The following LYRM9 variants were observed in gnomAD, a reference collection of about 807,000 sequenced individuals.
LYRM9 encodes the protein LYR motif containing 9.
LYRM9 carries 14 observed loss-of-function variants against 12.6 expected under a neutral mutation model. That is an observed-to-expected ratio of 1.11 (90% CI 0.73 to 1.73). The LOEUF is 1.73. Ranked by LOEUF, LYRM9 falls within the 40% of genes most tolerant of loss-of-function variation. The pLI is 0.00. For synonymous variants in LYRM9, 42 were observed against 35.1 expected (o/e 1.20, Z -0.69); for missense variants, 94 against 95.0 (o/e 0.99, Z 0.04).
intron 1 of LYRM9, among the ~76,000 whole-genome samples, chr17:27,890,423 C>T (rs1905396404): frequency 6.6e-6 from 1 of 152,260 alleles, no homozygotes; most frequent in South Asian, 2.1e-4. Flanking sequence ...AAAGAGTCAC[C>T]AGGCTGACAT....
intron 1 of LYRM9, among the ~76,000 whole-genome samples, chr17:27,887,870 T>C (rs1905290465): frequency 6.6e-6 from 1 of 152,102 alleles, no homozygotes; most frequent in South Asian, 2.1e-4. Context: ...GGCTGGAAGC[T>C]GCTGTAGAAC....
Position 27,882,627 on chromosome 17 carries a change from C to T in LYRM9, c.68G>A (p.Cys23Tyr), listed in dbSNP as rs375560668. ...PLQLYRYLLR[C>Y]CQQLPTKGIQ... ...GCCCTTGGTCGGCAGCTGCTGGCAA[C>T]AGCGCAGCAAGTATCGGTAGAGCTG... The change falls in exon 2 of 4, where the codon TGT becomes TAT. Residue 23 changes from cysteine (C) to tyrosine (Y), a missense_variant. Transcript: ENST00000379102. 7 of 1,600,606 alleles carry T rather than the reference C, an allele frequency of 4.4e-6. No homozygotes were observed. Among genetic ancestry groups the T allele is most frequent in the Non-Finnish European group, 6.0e-6 (7 of 1,174,376 alleles).
rs1247054112 is a variant in LYRM9 at position 27,878,626 on chromosome 17, G to A, written c.*847C>T. 1 of 152,220 alleles carries A rather than the reference G, an allele frequency of 6.6e-6. No individual in the cohort carries two copies. Among genetic ancestry groups the A allele is most frequent in the African/African-American group, 2.4e-5 (1 of 41,428 alleles). 9.4% of individuals were successfully genotyped at this position (152,220 alleles called of 1,614,324 possible). On this transcript the variant is annotated 3_prime_UTR_variant, in exon 4 of 4. Transcript: ENST00000379102. ...GTAGCAAAGCAGGGAAGTGCCAGTG[G>A]AAAGAGACTGCAGGTGCACAGAGGC...
intron 3 of LYRM9, 147 bp downstream of exon 3, chr17:27,880,127 G>T: frequency 1.4e-6 from 1 of 722,762 alleles, no homozygotes; most frequent in Non-Finnish European, 2.5e-6. Context: ...TCACCTTTCA[G>T]CTTCTGGAGG....
Position 27,879,373 on chromosome 17 carries a change from C to A in LYRM9, c.*100G>T. ...TCTCCCCTGATTTCTGGCTTTCAGC[C>A]AACAAGGCCAATGGCTCTTCCAAAC... On this transcript the variant is annotated 3_prime_UTR_variant, in exon 4 of 4. Coordinates refer to ENST00000379102, the MANE Select transcript of LYRM9 (RefSeq NM_001076680.3). 7.4e-7 allele frequency: 1 copy of A among 1,356,810 alleles called. No homozygotes were observed. Among genetic ancestry groups the A allele is most frequent in the South Asian group, 1.4e-5 (1 of 69,878 alleles). 84.0% of individuals were successfully genotyped at this position (1,356,810 alleles called of 1,614,324 possible). A position where few individuals can be genotyped will look rare whatever the true frequency, so the allele number is the denominator to read the frequency against.
At chr17:27,887,914 A>G (rs1385046526) in intron 1 of LYRM9, among the ~76,000 whole-genome samples, 2 of 152,232 alleles carry the variant, frequency 1.3e-5, no homozygotes, top group Non-Finnish European at 2.9e-5. Context: ...TGAAAGCCAC[A>G]GGCAAGAGAA....
At chr17:27,879,579 C>A in intron 3 of LYRM9, 89 bp from the exon 4 acceptor site, 1 of 1,418,108 alleles carries the variant, frequency 7.1e-7, no homozygotes, top group Non-Finnish European at 9.6e-7. Context: ...TCATCTGGAC[C>A]TCACCTGCCT....
intron 1 of LYRM9, among the ~76,000 whole-genome samples, chr17:27,884,176 C>T (rs1905162726): frequency 6.6e-6 from 1 of 152,170 alleles, no homozygotes; most frequent in African/African-American, 2.4e-5. Context: ...TCTAAAGAAC[C>T]CACAACTCTA....
At chr17:27,882,257 G>C (rs1223541870) in intron 2 of LYRM9, among the ~76,000 whole-genome samples, 1 of 152,156 alleles carries the variant, frequency 6.6e-6, no homozygotes, top group Non-Finnish European at 1.5e-5. Context: ...GTTTTCTCAG[G>C]ATTAAATTCA....
chr17:27,880,780 C>T, intron 2 of LYRM9: 4 of 196,658 alleles, frequency 2.0e-5, no homozygotes, highest in South Asian at 1.1e-4. Context: ...AGTAGGACTT[C>T]TCTCGGCCCA....
At chr17:27,884,368 A>G (rs2096927035) in intron 1 of LYRM9, among the ~76,000 whole-genome samples, 1 of 152,186 alleles carries the variant, frequency 6.6e-6, no homozygotes, top group South Asian at 2.1e-4. Flanking sequence ...ACACCACGTG[A>G]GCTCTGGAAT....
At chr17:27,887,711 A>AGGGGGT (rs199628365) in intron 1 of LYRM9, among the ~76,000 whole-genome samples, 1 of 100,920 alleles carries the variant, frequency 9.9e-6, no homozygotes, top group African/African-American at 3.1e-5. Flanking sequence ...TATAGGAGGG[A>AGGGGGT]GGGTGTGTGT....
intron 1 of LYRM9, among the ~76,000 whole-genome samples, chr17:27,887,544 C>G (rs1220451762): frequency 6.6e-6 from 1 of 152,214 alleles, no homozygotes. Flanking sequence ...CTGCACCTCT[C>G]ACCACCCACA....
chr17:27,879,239 A>G lies in LYRM9; in HGVS notation c.*234T>C. 1 of 447,366 alleles carries G rather than the reference A, an allele frequency of 2.2e-6. No individual in the cohort carries two copies. Among genetic ancestry groups the G allele is most frequent in the Non-Finnish European group, 3.9e-6 (1 of 254,548 alleles). 27.7% of individuals were successfully genotyped at this position (447,366 alleles called of 1,614,324 possible). On this transcript the variant is annotated 3_prime_UTR_variant, in exon 4 of 4. Transcript: ENST00000379102. ...TAAAAAACACACAAAAGAAGCAAAA[A>G]AATACTACATTCTCCCCAAATTTCA...
chr17:27,882,615 A>G lies in LYRM9; in HGVS notation c.80T>C (p.Leu27Pro). 6.3e-7 allele frequency: 1 copy of G among 1,598,150 alleles called. No individual in the cohort carries two copies. The highest frequency in any genetic ancestry group is 8.5e-7 in the Non-Finnish European group (1 of 1,173,216). ...ATGCTGCTGGATGCCCTTGGTCGGC[A>G]GCTGCTGGCAACAGCGCAGCAAGTA... ...YRYLLRCCQQ[L>P]PTKGIQQHYK... Residue 27 changes from leucine to proline, a missense_variant, in exon 2 of 4, where the codon CTG becomes CCG. Leu to Pro is a moderately conservative substitution (Grantham distance 98). Transcript: ENST00000379102.
chr17:27,890,911 G>C (rs948893562), intron 1 of LYRM9, among the ~76,000 whole-genome samples: 1 of 151,586 alleles, frequency 6.6e-6, no homozygotes, highest in Non-Finnish European at 1.5e-5. Flanking sequence ...GCTAGCAATG[G>C]GGCAGCAATC....
chr17:27,879,505 G>T lies in LYRM9; in HGVS notation c.220-15C>A. On this transcript the variant is annotated splice_polypyrimidine_tract_variant and intron_variant, in intron 3 of 3. Coordinates refer to ENST00000379102, the MANE Select transcript of LYRM9 (RefSeq NM_001076680.3). ...TGTTTTTTATACTGCAAGACAGAGAGATTCGAAGTGGAGGAGGGAAGCCAA... is the reference window on the plus strand; with the variant it reads ...TGTTTTTTATACTGCAAGACAGAGATATTCGAAGTGGAGGAGGGAAGCCAA... 1 of 1,552,014 alleles carries T rather than the reference G, an allele frequency of 6.4e-7. No homozygotes were observed. Among genetic ancestry groups the T allele is most frequent in the Non-Finnish European group, 8.7e-7 (1 of 1,147,220 alleles).
rs1905238022 is a variant in LYRM9, at chr17:27,886,590, C to T, written c.-18-3878G>A. ...ACCAAACCAAAATCATCACAGTCAA[C>T]CCAGGTTCCTCCTTCTCCTCAATCC... On this transcript the variant is annotated intron_variant, in intron 1 of 3. Coordinates refer to ENST00000379102, the MANE Select transcript of LYRM9 (RefSeq NM_001076680.3). This position sits in a 1 kb window ranked among gnomAD's most constrained non-coding sequence, Gnocchi z 4.8. Among the ~76,000 whole-genome samples the T allele has an allele frequency of 6.6e-6, 1 of 152,148 alleles. No homozygotes were observed. Among genetic ancestry groups the T allele is most frequent in the Non-Finnish European group, 1.5e-5 (1 of 68,022 alleles).
intron 1 of LYRM9, chr17:27,892,562 A>T (rs1567667062): frequency 1.9e-5 from 7 of 369,626 alleles, no homozygotes; most frequent in Non-Finnish European, 2.1e-5. Flanking sequence ...TACTTAATGT[A>T]TGATTCCATT....
Sources: allele counts gnomAD v4.1 joint callset (sites outside exome capture counted in the v4.1 genomes callset), GRCh38; gene constraint gnomAD v4.1.1; non-coding constraint Gnocchi (gnomAD v3.1); transcripts MANE v1.5; gene names NCBI Gene and HGNC (gene_info 2026-07-23, HGNC 2026-07-21).